Variants in CLTC observed in about 807,000 individuals in gnomAD.
The protein encoded by CLTC is clathrin heavy chain 1.
In CLTC, 16 loss-of-function variants were observed where a neutral mutation model predicts 195.8. The ratio of observed to expected loss-of-function variants is 0.08; its 90% CI spans 0.06 to 0.12. The LOEUF is 0.12. CLTC is among the 10% of genes least tolerant of loss of function. The probability of loss-of-function intolerance (pLI) is 1.00; values close to 1 mark genes in which losing one functional copy is unlikely to be tolerated. For missense variants in CLTC, 796 were observed against 2,027.0 expected, an observed-to-expected ratio of 0.39 and a Z score of 11.66; for synonymous variants, 667 against 689.4, an observed-to-expected ratio of 0.97 and a Z score of 0.51.
At chr17:59,631,048 A>T (rs2031699624) in intron 1 of CLTC, among the ~76,000 whole-genome samples, 1 of 152,208 alleles carries the variant, frequency 6.6e-6, no homozygotes, top group Non-Finnish European at 1.5e-5. Flanking sequence ...CATTTTCTTC[A>T]CATCTTCTGA....
At chr17:59,692,174 G>A (rs1320694734) in intron 31 of CLTC, among the ~76,000 whole-genome samples, 2 of 152,120 alleles carry the variant, frequency 1.3e-5, no homozygotes, top group African/African-American at 4.8e-5. Flanking sequence ...AAAATTGGCT[G>A]GGCATGGTGG....
intron 17 of CLTC, 54 bp downstream of exon 17, chr17:59,677,242 C>A: frequency 7.3e-7 from 1 of 1,378,232 alleles, no homozygotes; most frequent in Non-Finnish European, 1.0e-6. Flanking sequence ...AAACCTGTTA[C>A]ATGAGAGTTT....
At chr17:59,631,040 T>G (rs2031699445) in intron 1 of CLTC, among the ~76,000 whole-genome samples, 1 of 152,230 alleles carries the variant, frequency 6.6e-6, no homozygotes, top group Non-Finnish European at 1.5e-5. Flanking sequence ...GAGAGTTCCA[T>G]TTTCTTCACA....
chr17:59,664,714 A>T (rs549407301), intron 9 of CLTC, 73 bp from the exon 10 acceptor site: 1 of 1,512,002 alleles, frequency 6.6e-7, no homozygotes, highest in South Asian at 1.3e-5. Flanking sequence ...GTGAGATTTT[A>T]TAGTAGAAAA....
chr17:59,644,584 C>G (rs1218562569), intron 2 of CLTC, 101 bp downstream of exon 2: 1 of 974,570 alleles, frequency 1.0e-6, no homozygotes, highest in Non-Finnish European at 1.5e-6. Flanking sequence ...GAGTTTTACT[C>G]TTGTCACCCA....
At chr17:59,650,192 C>G (rs1198769993) in intron 4 of CLTC, among the ~76,000 whole-genome samples, 1 of 152,078 alleles carries the variant, frequency 6.6e-6, no homozygotes, top group Non-Finnish European at 1.5e-5. Context: ...ATTTACTTTT[C>G]TCTTGCCTGG....
At chr17:59,632,026 G>GGT (rs952452618) in intron 1 of CLTC, among the ~76,000 whole-genome samples, 4 of 151,130 alleles carry the variant, frequency 2.6e-5, no homozygotes, top group Non-Finnish European at 5.9e-5. Context: ...AAGTAAAAGT[G>GGT]GTGTGTGTGT....
In CLTC at chr17:59,693,930, G is replaced by C; in HGVS notation, c.*78G>C. ...ACCCACTTCTCAGTTTATAATGGGG[G>C]AAAACAGGCAACGTGTTCTTGTAAC... On this transcript the variant is annotated 3_prime_UTR_variant, in exon 32 of 32. Transcript: ENST00000269122. The C allele has an allele frequency of 7.1e-7, 1 of 1,399,862 alleles. No individual in the cohort carries two copies. Among genetic ancestry groups the C allele is most frequent in the East Asian group, 2.6e-5 (1 of 37,916 alleles). The allele number at this position is 1,399,862 out of a possible 1,614,324, so 86.7% of individuals were successfully genotyped here. A position where few individuals can be genotyped will look rare whatever the true frequency, so the allele number is the denominator to read the frequency against.
chr17:59,666,192 T>C lies in CLTC; in HGVS notation c.1734T>C (p.Gly578=), dbSNP rs1344108295. 1 of 1,614,082 alleles carries C rather than the reference T, an allele frequency of 6.2e-7. No homozygotes were observed. The highest frequency in any genetic ancestry group is 8.5e-7 in the Non-Finnish European group (1 of 1,179,970). ...DALKNNRPSE[G]PLQTRLLEMN... ...TGAAGAATAATCGCCCATCTGAAGG[T>C]CCTTTACAGACGCGGTTACTTGAGA... Residue 578 remains glycine (G), a synonymous_variant, in exon 11 of 32, where the codon GGT becomes GGC. Coordinates refer to ENST00000269122, the MANE Select transcript of CLTC (RefSeq NM_004859.4). This position sits in a 1 kb window ranked among gnomAD's most constrained non-coding sequence, Gnocchi z 4.9.
intron 1 of CLTC, among the ~76,000 whole-genome samples, chr17:59,641,966 G>T (rs569890002): frequency 6.7e-6 from 1 of 150,072 alleles, no homozygotes; most frequent in African/African-American, 2.5e-5. Context: ...GGGATTATAG[G>T]TGTGAACCAA....
chr17:59,686,397 C>G (rs1284915698), intron 30 of CLTC, among the ~76,000 whole-genome samples: 1 of 152,082 alleles, frequency 6.6e-6, no homozygotes, highest in East Asian at 1.9e-4. Flanking sequence ...CTATCTTCAG[C>G]AGTTACTAGC....
chr17:59,678,825 C>G (rs57048349), intron 17 of CLTC, among the ~76,000 whole-genome samples: 1 of 142,850 alleles, frequency 7.0e-6, no homozygotes, highest in African/African-American at 2.6e-5. Flanking sequence ...ACATAGCGAG[C>G]CCCCCGTCTC....
At chr17:59,640,850 G>A (rs564374273) in intron 1 of CLTC, among the ~76,000 whole-genome samples, 20 of 152,092 alleles carry the variant, frequency 1.3e-4, no homozygotes, top group South Asian at 1.0e-3. Context: ...GCTGGACGCC[G>A]TGGCTCATGC....
chr17:59,646,398 G>T (rs974927347), intron 2 of CLTC, among the ~76,000 whole-genome samples: 6 of 152,156 alleles, frequency 3.9e-5, no homozygotes, highest in African/African-American at 1.4e-4. Flanking sequence ...TTTTATGAAA[G>T]AAATTTTTGC....
chr17:59,639,801 C>CT (rs1223520984), intron 1 of CLTC, among the ~76,000 whole-genome samples: 1 of 42,166 alleles, frequency 2.4e-5, no homozygotes, highest in Non-Finnish European at 4.5e-5. Context: ...GAACCTGTCT[C>CT]TTAAAAAAAA....
intron 3 of CLTC, 27 bp downstream of exon 3, chr17:59,647,693 A>G (rs372919661): frequency 8.1e-6 from 13 of 1,595,670 alleles, no homozygotes; most frequent in Admixed American, 1.7e-5. Flanking sequence ...TTTTTTATGA[A>G]GAAGAGGTTT....
chr17:59,680,741 A>G (rs940303033), intron 18 of CLTC, among the ~76,000 whole-genome samples, 171 bp from the exon 19 acceptor site: 15 of 152,220 alleles, frequency 9.9e-5, no homozygotes, highest in African/African-American at 3.1e-4. Context: ...TTTCAACACA[A>G]TTATACATAT....
intron 9 of CLTC, 61 bp from the exon 10 acceptor site, chr17:59,664,726 G>A: frequency 6.4e-7 from 1 of 1,559,552 alleles, no homozygotes; most frequent in Non-Finnish European, 8.7e-7. Flanking sequence ...AGTAGAAAAA[G>A]TCTTTAAATG....
At chr17:59,688,215 CTGTG>C (rs775109662) in intron 30 of CLTC, among the ~76,000 whole-genome samples, 8 of 152,298 alleles carry the variant, frequency 5.3e-5, no homozygotes, top group South Asian at 4.1e-4. Context: ...TTGCTGTGGG[CTGTG>C]TGTGTTTCTT....
Sources: gnomAD v4.1 joint callset for allele counts (sites outside exome capture counted in the v4.1 genomes callset) on GRCh38, gnomAD v4.1.1 for gene constraint, Gnocchi (gnomAD v3.1) non-coding constraint, MANE v1.5 for transcripts, NCBI Gene and HGNC (gene_info 2026-07-23, HGNC 2026-07-21) for gene names.